The following SPTLC1 variants were observed in gnomAD, a reference collection of about 807,000 sequenced individuals.
SPTLC1 encodes serine palmitoyltransferase long chain base subunit 1, also known as serine palmitoyltransferase 1.
In SPTLC1, 55 loss-of-function variants were observed where a neutral mutation model predicts 68.9. The observed-to-expected ratio is 0.80, with a 90% CI of 0.64 to 1.00. The LOEUF is 1.00. SPTLC1 is among the 50% of genes least tolerant of loss of function. The pLI is 0.00. For synonymous variants in SPTLC1, 197 were observed against 201.6 expected (o/e 0.98, Z 0.19); for missense variants, 449 against 573.1 (o/e 0.78, Z 2.21).
chr9:92,061,297 A>C (rs1326302330), intron 6 of SPTLC1, among the ~76,000 whole-genome samples: 1 of 152,208 alleles, frequency 6.6e-6, no homozygotes, highest in Non-Finnish European at 1.5e-5. Context: ...AATTTGAATG[A>C]CGGGAGATTT....
At chr9:92,095,769 G>A (rs1339356017) in intron 3 of SPTLC1, among the ~76,000 whole-genome samples, 7 of 152,190 alleles carry the variant, frequency 4.6e-5, no homozygotes, top group African/African-American at 1.7e-4. Flanking sequence ...AAATGGATAA[G>A]TTGTATTTGA....
rs1200222600 is a variant in SPTLC1 at position 92,047,154 on chromosome 9, GT to G, written c.1081+17del. 6.3e-7 allele frequency: 1 copy of G among 1,594,556 alleles called. No homozygotes were observed. The highest frequency in any genetic ancestry group is 8.6e-7 in the Non-Finnish European group (1 of 1,162,990). On this transcript the variant is annotated intron_variant, in intron 11 of 14. Coordinates refer to ENST00000262554, the MANE Select transcript of SPTLC1 (RefSeq NM_006415.4). Reference sequence around the variant, plus strand: ...ACCTGAAATCTCTTTGATTCCTTGGGTTTTTAAAGGGTTATACCTGGATTCT... The same window carrying G: ...ACCTGAAATCTCTTTGATTCCTTGGGTTTTAAAGGGTTATACCTGGATTCT...
intron 7 of SPTLC1, among the ~76,000 whole-genome samples, chr9:92,055,709 C>T (rs931108997): frequency 6.6e-6 from 1 of 152,156 alleles, no homozygotes; most frequent in Non-Finnish European, 1.5e-5. Flanking sequence ...GCTAGGTGAC[C>T]CGCCACACAC....
At chr9:92,085,854 C>A (rs1835102504) in intron 3 of SPTLC1, among the ~76,000 whole-genome samples, 7 of 151,312 alleles carry the variant, frequency 4.6e-5, no homozygotes, top group Admixed American at 4.6e-4. Flanking sequence ...TTAAAGTCTC[C>A]CATTATTAAT....
intron 5 of SPTLC1, among the ~76,000 whole-genome samples, chr9:92,070,683 T>C (rs1461952720): frequency 1.3e-5 from 2 of 152,144 alleles, no homozygotes; most frequent in East Asian, 1.9e-4. Flanking sequence ...CTCTGTCAAA[T>C]AGGGGGGATA....
chr9:92,045,816 C>A (rs1177778972), intron 12 of SPTLC1, among the ~76,000 whole-genome samples, 183 bp downstream of exon 12: 10 of 152,102 alleles, frequency 6.6e-5, no homozygotes, highest in Admixed American at 6.6e-4. Context: ...AAAACAAAGT[C>A]ACGATTCTTT....
intron 5 of SPTLC1, among the ~76,000 whole-genome samples, chr9:92,068,962 G>A (rs896991514): frequency 1.3e-5 from 2 of 152,192 alleles, no homozygotes; most frequent in Non-Finnish European, 2.9e-5. Context: ...TTTTAACTAT[G>A]GCAGGACCCA....
rs544874317 is a variant in SPTLC1, at chr9:92,042,775, G to A, written c.1136+3224C>T. Among the ~76,000 whole-genome samples the A allele has an allele frequency of 1.8e-4, 28 of 152,254 alleles. 1 individual carries two copies. The South Asian group carries it at 5.6e-3, about 30-fold the overall frequency. On this transcript the variant is annotated intron_variant, in intron 12 of 14. Coordinates refer to ENST00000262554, the MANE Select transcript of SPTLC1 (RefSeq NM_006415.4). ...TGATAAACCTGTATTCCAAAACAGT[G>A]ATAAAAACAGACAAAATCAAAAGAG...
At position 92,065,789 on chromosome 9, in the gene SPTLC1, CACATTAG is replaced by C. The variant is rs138632803; in HGVS notation, c.560+2170_560+2176del. Among the ~76,000 whole-genome samples the C allele has an allele frequency of 8.5e-3, 1,295 of 152,252 alleles. 15 individuals are homozygous for C. Among genetic ancestry groups the C allele is most frequent in the African/African-American group, 0.03 (1,233 of 41,528 alleles). ...TAATAAAAATATTCATTTTTATGGT[CACATTAG>C]TATACTACTTAGACCCAGGACATTT... On this transcript the variant is annotated intron_variant, in intron 6 of 14. Coordinates refer to ENST00000262554, the MANE Select transcript of SPTLC1 (RefSeq NM_006415.4).
At chr9:92,043,029 T>C (rs1174677756) in intron 12 of SPTLC1, among the ~76,000 whole-genome samples, 1 of 152,174 alleles carries the variant, frequency 6.6e-6, no homozygotes, top group Non-Finnish European at 1.5e-5. Context: ...TTAGTCCCTC[T>C]TCAGAGAAAA....
At chr9:92,043,455 T>G (rs1292070719) in intron 12 of SPTLC1, among the ~76,000 whole-genome samples, 1 of 152,226 alleles carries the variant, frequency 6.6e-6, no homozygotes, top group Non-Finnish European at 1.5e-5. Flanking sequence ...CCATGTCTGA[T>G]GGGCACTTTG....
chr9:92,049,181 T>C (rs780156599), intron 9 of SPTLC1, among the ~76,000 whole-genome samples: 2 of 152,206 alleles, frequency 1.3e-5, no homozygotes, highest in African/African-American at 2.4e-5. Context: ...TGGGACTATA[T>C]GGTTAGCGGG....
At chr9:92,089,812 A>T (rs1468227668) in intron 3 of SPTLC1, among the ~76,000 whole-genome samples, 2 of 152,232 alleles carry the variant, frequency 1.3e-5, no homozygotes, top group African/African-American at 4.8e-5. Context: ...TGACAGTGAA[A>T]CTGTAGAATT....
chr9:92,038,809 T>C (rs1026375656), intron 12 of SPTLC1, among the ~76,000 whole-genome samples: 1 of 152,238 alleles, frequency 6.6e-6, no homozygotes, highest in African/African-American at 2.4e-5. Flanking sequence ...CTCTGCTCCA[T>C]CATTTGCTAT....
At chr9:92,110,678 G>C (rs144507410) in intron 2 of SPTLC1, 1 of 152,158 alleles carries the variant, frequency 6.6e-6, no homozygotes, top group East Asian at 1.9e-4. Context: ...TGCCTAGAAG[G>C]CATCATACTA....
chr9:92,077,196 C>A (rs763968272), intron 5 of SPTLC1, among the ~76,000 whole-genome samples: 2 of 152,148 alleles, frequency 1.3e-5, no homozygotes, highest in Non-Finnish European at 1.5e-5. Context: ...AACTCTTACA[C>A]GGCCGCACCT....
Position 92,032,063 on chromosome 9 carries a change from T to C in SPTLC1, c.*402A>G. On this transcript the variant is annotated 3_prime_UTR_variant, in exon 15 of 15. Transcript: ENST00000262554. The stretch of plus-strand genomic sequence containing the variant: ...CTTTAATGTTGCAGTCATTTTTCTA[T>C]GAAATACTAAGGAGTTAAGGAGTGC... 1 of 470,216 alleles carries C rather than the reference T, an allele frequency of 2.1e-6. No homozygotes were observed. 29.1% of individuals were successfully genotyped at this position (470,216 alleles called of 1,614,324 possible). A position where few individuals can be genotyped will look rare whatever the true frequency, so the allele number is the denominator to read the frequency against.
At chr9:92,049,921 C>G in intron 9 of SPTLC1, 39 bp downstream of exon 9, 2 of 1,278,420 alleles carry the variant, frequency 1.6e-6, no homozygotes, top group Non-Finnish European at 2.3e-6. Context: ...TACATGTCTC[C>G]TATAAGAGGG....
intron 7 of SPTLC1, 51 bp downstream of exon 7, chr9:92,059,128 C>T: frequency 6.3e-7 from 1 of 1,595,860 alleles, no homozygotes; most frequent in East Asian, 2.2e-5. Flanking sequence ...TATAATTTAG[C>T]TGGTTAGAAA....
Sources: gnomAD v4.1 joint callset for allele counts (sites outside exome capture counted in the v4.1 genomes callset) on GRCh38, gnomAD v4.1.1 for gene constraint, MANE v1.5 for transcripts, NCBI Gene and HGNC (gene_info 2026-07-23, HGNC 2026-07-21) for gene names.